The following ZNRF3 variants were observed in gnomAD, a reference collection of about 807,000 sequenced individuals.
The protein encoded by ZNRF3 is zinc and ring finger 3.
ZNRF3 carries 23 observed loss-of-function variants against 72.5 expected under a neutral mutation model. That is an observed-to-expected ratio of 0.32 (90% CI 0.23 to 0.45). The LOEUF is 0.45. Among genes scored for constraint, ZNRF3 ranks in the 20% least tolerant of loss-of-function variants. ZNRF3 has a pLI of 1.00. For missense variants in ZNRF3, 1,169 were observed against 1,272.1 expected (o/e 0.92, Z 1.23); for synonymous variants, 610 against 545.3 (o/e 1.12, Z -1.65).
intron 1 of ZNRF3, among the ~76,000 whole-genome samples, chr22:28,902,643 G>A (rs1404392311): frequency 1.3e-5 from 2 of 152,200 alleles, no homozygotes; most frequent in Non-Finnish European, 2.9e-5. Flanking sequence ...TGAGTCTGGA[G>A]CCAGACAGCT....
chr22:28,928,490 C>CT (rs10710766), intron 1 of ZNRF3, among the ~76,000 whole-genome samples: 4,234 of 80,582 alleles, frequency 0.053, 177 homozygotes, highest in South Asian at 0.072. Flanking sequence ...CCAGAAATGT[C>CT]TTTTTTTTTT....
Position 29,048,097 on chromosome 22 carries a change from G to A in ZNRF3, c.913-292G>A, listed in dbSNP as rs1020212850. 6.6e-6 allele frequency among the ~76,000 whole-genome samples: 1 copy of A among 152,148 alleles called. No individual in the cohort carries two copies. The highest frequency in any genetic ancestry group is 1.9e-4 in the East Asian group (1 of 5,186). On this transcript the variant is annotated intron_variant, in intron 6 of 8. Coordinates refer to ENST00000544604, the MANE Select transcript of ZNRF3 (RefSeq NM_001206998.2). The surrounding 1 kb of genome is among the most constrained non-coding windows in gnomAD (Gnocchi z 4.9). ...GAGGACTCGGCCCTCCCTGGGTGGA[G>A]GCATGAGTGTGTTTGCCCTCCTCCA...
chr22:28,988,967 C>T (rs2035905915), intron 2 of ZNRF3, among the ~76,000 whole-genome samples: 1 of 152,178 alleles, frequency 6.6e-6, no homozygotes. Context: ...CCTCCTCTGC[C>T]TGGAACAACC....
At chr22:28,948,556 A>G (rs995175288) in intron 1 of ZNRF3, among the ~76,000 whole-genome samples, 2 of 152,240 alleles carry the variant, frequency 1.3e-5, no homozygotes, top group African/African-American at 4.8e-5. Flanking sequence ...GCTTAGTAAG[A>G]CAGTTGGATT....
chr22:28,915,170 A>G (rs2034387138), intron 1 of ZNRF3, among the ~76,000 whole-genome samples: 1 of 152,224 alleles, frequency 6.6e-6, no homozygotes, highest in African/African-American at 2.4e-5. Flanking sequence ...AATGACAGAC[A>G]TATTTACTCA....
intron 1 of ZNRF3, among the ~76,000 whole-genome samples, chr22:28,963,849 A>T (rs371359352): frequency 6.6e-6 from 1 of 152,312 alleles, no homozygotes; most frequent in East Asian, 1.9e-4. Context: ...GGTTGGTTTC[A>T]TTAAAGCCAC....
rs902192189 is a variant in ZNRF3 at position 28,962,769 on chromosome 22, G to T, written c.301-24307G>T. ...GCCATACTGATGCCTCCATTCTTAAGAATGTTCTGTGTTGTGGTTGCTGGT... is the reference window on the plus strand; with the variant it reads ...GCCATACTGATGCCTCCATTCTTAATAATGTTCTGTGTTGTGGTTGCTGGT... On this transcript the variant is annotated intron_variant, in intron 1 of 8. Transcript: ENST00000544604. 5.3e-5 allele frequency among the ~76,000 whole-genome samples: 8 copies of T among 152,226 alleles called. 1 individual carries two copies. Among genetic ancestry groups the T allele is most frequent in the Admixed American group, 2.6e-4 (4 of 15,278 alleles).
intron 1 of ZNRF3, among the ~76,000 whole-genome samples, chr22:28,919,411 T>A (rs1367208268): frequency 6.6e-6 from 1 of 152,206 alleles, no homozygotes. Flanking sequence ...CTATGCTGGT[T>A]GCTGCTGTTG....
chr22:28,982,036 C>T (rs1337095894), intron 1 of ZNRF3, among the ~76,000 whole-genome samples: 1 of 151,758 alleles, frequency 6.6e-6, no homozygotes, highest in African/African-American at 2.4e-5. Context: ...CTCACTTTTT[C>T]CAAAGGTCTC....
chr22:28,923,788 GTCCCC>G (rs1569247416), intron 1 of ZNRF3, among the ~76,000 whole-genome samples: 3 of 152,222 alleles, frequency 2.0e-5, no homozygotes, highest in African/African-American at 7.2e-5. Context: ...AGCTAGTGAT[GTCCCC>G]TCCCAAGGGG....
At chr22:28,906,985 CTTT>C (rs1367720454) in intron 1 of ZNRF3, among the ~76,000 whole-genome samples, 5 of 140,418 alleles carry the variant, frequency 3.6e-5, no homozygotes, top group South Asian at 2.3e-4. Context: ...TTCTTTCTTT[CTTT>C]TTTTTTTTTT....
At chr22:28,919,696 G>A (rs2034475370) in intron 1 of ZNRF3, among the ~76,000 whole-genome samples, 1 of 151,432 alleles carries the variant, frequency 6.6e-6, no homozygotes. Context: ...TAGTAGAGGT[G>A]GGGTTTCACC....
chr22:29,057,098 G>T lies in ZNRF3; in HGVS notation c.*3476G>T, dbSNP rs1452346100. 6.6e-6 allele frequency: 1 copy of T among 152,100 alleles called. No individual in the cohort carries two copies. The highest frequency in any genetic ancestry group is 1.5e-5 in the Non-Finnish European group (1 of 68,022). The allele number at this position is 152,100 out of a possible 1,614,324, so 9.4% of individuals were successfully genotyped here. The stretch of plus-strand genomic sequence containing the variant: ...TAGCACTTAAAAGAGATTTTGTAAA[G>T]ACCTTGCTGTAAAGATTTTGTAATA... On this transcript the variant is annotated 3_prime_UTR_variant, in exon 9 of 9. Transcript: ENST00000544604.
intron 2 of ZNRF3, among the ~76,000 whole-genome samples, chr22:29,041,485 C>T (rs2123880348): frequency 6.6e-6 from 1 of 152,242 alleles, no homozygotes; most frequent in African/African-American, 2.4e-5. Context: ...CCCCCACCTC[C>T]CCCAAAAAGA....
At chr22:28,901,792 T>C (rs2034110072) in intron 1 of ZNRF3, among the ~76,000 whole-genome samples, 1 of 148,822 alleles carries the variant, frequency 6.7e-6, no homozygotes, top group Non-Finnish European at 1.5e-5. Flanking sequence ...ACGTGCGCAA[T>C]ACCACGCCTG....
intron 8 of ZNRF3, among the ~76,000 whole-genome samples, chr22:29,051,279 T>A (rs1230547394): frequency 6.6e-6 from 1 of 152,054 alleles, no homozygotes; most frequent in African/African-American, 2.4e-5. Context: ...GGCTCATGCC[T>A]CTAATCTTGG....
rs961828585 is a variant in ZNRF3, at chr22:29,053,797, C to G, written c.*175C>G. The G allele has an allele frequency of 3.5e-6, 2 of 565,936 alleles. No homozygotes were observed. The highest frequency in any genetic ancestry group is 3.8e-5 in the African/African-American group (2 of 53,124). 35.1% of individuals were successfully genotyped at this position (565,936 alleles called of 1,614,324 possible). A position where few individuals can be genotyped will look rare whatever the true frequency, so the allele number is the denominator to read the frequency against. On this transcript the variant is annotated 3_prime_UTR_variant, in exon 9 of 9. Transcript: ENST00000544604. ...GAGCCCCCTGTGGCAAAACCACCCC[C>G]TACCCCATTAACAAATCAACAGACA...
intron 2 of ZNRF3, among the ~76,000 whole-genome samples, chr22:29,041,590 A>C (rs1470612167): frequency 6.6e-6 from 1 of 152,068 alleles, no homozygotes; most frequent in African/African-American, 2.4e-5. Flanking sequence ...TCCCCCAGAA[A>C]GCATACACAA....
chr22:29,008,053 G>A (rs1184287120), intron 2 of ZNRF3, among the ~76,000 whole-genome samples: 3 of 152,046 alleles, frequency 2.0e-5, no homozygotes. Context: ...ACGGCGCCCG[G>A]CTCAGAAATT....
Sources: allele counts gnomAD v4.1 joint callset (sites outside exome capture counted in the v4.1 genomes callset), GRCh38; gene constraint gnomAD v4.1.1; non-coding constraint Gnocchi (gnomAD v3.1); transcripts MANE v1.5; gene names NCBI Gene and HGNC (gene_info 2026-07-23, HGNC 2026-07-21).